Variants in CSMD3 observed in about 807,000 individuals in gnomAD.
CSMD3 encodes CUB and Sushi multiple domains 3.
Under a neutral mutation model 435.2 loss-of-function variants are expected in CSMD3, and 177 were observed. The ratio of observed to expected loss-of-function variants is 0.41; its 90% CI spans 0.36 to 0.46. The LOEUF is 0.46. Ranked by LOEUF, CSMD3 falls within the 20% of genes least tolerant of loss-of-function variation. CSMD3 has a pLI of 0.34. For synonymous variants in CSMD3, 1,656 were observed against 1,520.5 expected (o/e 1.09, Z -2.07); for missense variants, 4,265 against 4,504.6 (o/e 0.95, Z 1.52).
chr8:112,690,592 C>G (rs574779505), intron 13 of CSMD3, among the ~76,000 whole-genome samples: 3 of 150,086 alleles, frequency 2.0e-5, no homozygotes, highest in South Asian at 2.1e-4. Context: ...ACTAGACCCC[C>G]CCCCCCAACA....
At chr8:113,134,504 C>T (rs1408731227) in intron 4 of CSMD3, among the ~76,000 whole-genome samples, 1 of 151,958 alleles carries the variant, frequency 6.6e-6, no homozygotes, top group Non-Finnish European at 1.5e-5. Flanking sequence ...TTAGAAAAGC[C>T]TGTAAGAACA....
At chr8:112,903,804 A>C (rs2082175760) in intron 10 of CSMD3, among the ~76,000 whole-genome samples, 1 of 151,332 alleles carries the variant, frequency 6.6e-6, no homozygotes, top group African/African-American at 2.4e-5. Flanking sequence ...ACACTTGTTC[A>C]CACCTCTAGA....
In CSMD3 at chr8:112,637,297, T is replaced by G. The variant is rs951835333; in HGVS notation, c.3527-292A>C. Among the ~76,000 whole-genome samples the G allele has an allele frequency of 2.0e-5, 3 of 152,316 alleles. No homozygotes were observed. In the East Asian group the frequency reaches 5.8e-4, roughly 29 times the overall value. On this transcript the variant is annotated intron_variant, in intron 21 of 70. Coordinates refer to ENST00000297405, the MANE Select transcript of CSMD3 (RefSeq NM_198123.2). ...TATTTATCTTATTGTTTTTTCTGCA[T>G]TAGAAACATTTTTATTTCATATATT...
intron 53 of CSMD3, among the ~76,000 whole-genome samples, chr8:112,300,667 A>G (rs1482875200): frequency 2.0e-5 from 3 of 152,126 alleles, no homozygotes; most frequent in Non-Finnish European, 4.4e-5. Flanking sequence ...TAATGACCCC[A>G]GAGACTCAGG....
At chr8:112,271,094 T>G (rs1817490997) in intron 59 of CSMD3, among the ~76,000 whole-genome samples, 2 of 152,182 alleles carry the variant, frequency 1.3e-5, no homozygotes, top group Non-Finnish European at 2.9e-5. Flanking sequence ...TCAATGATTA[T>G]GTACAAGATT....
At chr8:112,875,620 T>C (rs1378656893) in intron 10 of CSMD3, among the ~76,000 whole-genome samples, 1 of 152,180 alleles carries the variant, frequency 6.6e-6, no homozygotes, top group Non-Finnish European at 1.5e-5. Flanking sequence ...TTCATTCCTT[T>C]TCATTCTTTT....
At chr8:113,185,105 A>T (rs957606368) in intron 3 of CSMD3, among the ~76,000 whole-genome samples, 1 of 151,984 alleles carries the variant, frequency 6.6e-6, no homozygotes, top group Non-Finnish European at 1.5e-5. Flanking sequence ...GCCATTTTTA[A>T]CACCAGGCAA....
rs376090109 is a variant in CSMD3, at chr8:112,492,650, T to A, written c.5117A>T (p.Asn1706Ile). The change falls in exon 31 of 71, where the codon AAT becomes ATT. Residue 1706 changes from asparagine (N) to isoleucine (I), a missense_variant. By Grantham distance (149) the Asn-to-Ile change is moderately radical. Coordinates refer to ENST00000297405, the MANE Select transcript of CSMD3 (RefSeq NM_198123.2). Reference protein sequence around the residue: ...KLRESCFDPGNIMNGTRLGMD... With the variant: ...KLRESCFDPGIIMNGTRLGMD... ...TCCAAGTCTGGTGCCATTCATTATA[T>A]TGCCTGGATCAAAGCAGGACTCTCG... The A allele has an allele frequency of 6.2e-5, 100 of 1,613,844 alleles. No homozygotes were observed. Among genetic ancestry groups the A allele is most frequent in the Non-Finnish European group, 8.1e-5 (95 of 1,179,874 alleles).
Position 112,975,841 on chromosome 8 carries a change from AT to A in CSMD3, c.1337del (p.His446LeufsTer3). The A allele has an allele frequency of 6.2e-7, 1 of 1,613,064 alleles. No homozygotes were observed. Among genetic ancestry groups the A allele is most frequent in the Non-Finnish European group, 8.5e-7 (1 of 1,179,798 alleles). On this transcript the variant is annotated frameshift_variant, in exon 7 of 71. Transcript: ENST00000297405. LOFTEE classifies it high-confidence loss of function. ...AAGTAAAATAACATCCAATACCTCTATGAGTAACAACTGCAAGCTCTTTAGT... is the reference window on the plus strand; with the variant it reads ...AAGTAAAATAACATCCAATACCTCTAGAGTAACAACTGCAAGCTCTTTAGT... Reference protein sequence around the residue: ...ERTKELAVVTHRVKKAIDFKS... With the variant: ...ERTKELAVVTXRVKKAIDFKS...
intron 10 of CSMD3, among the ~76,000 whole-genome samples, chr8:112,906,892 G>A (rs1459290305): frequency 6.6e-6 from 1 of 151,504 alleles, no homozygotes; most frequent in Admixed American, 6.6e-5. Flanking sequence ...TAGTTAATGT[G>A]TGAATGAATT....
intron 47 of CSMD3, among the ~76,000 whole-genome samples, chr8:112,314,903 C>G (rs1329095425): frequency 6.6e-6 from 1 of 151,824 alleles, no homozygotes; most frequent in African/African-American, 2.4e-5. Context: ...CCTCCTCTTT[C>G]TTCACATTTT....
At chr8:112,608,597 T>C (rs923342293) in intron 22 of CSMD3, among the ~76,000 whole-genome samples, 5 of 151,936 alleles carry the variant, frequency 3.3e-5, no homozygotes, top group East Asian at 1.9e-4. Flanking sequence ...TATATATATA[T>C]ATACATACAC....
chr8:112,951,121 T>A (rs531577722), intron 8 of CSMD3, among the ~76,000 whole-genome samples: 1 of 151,996 alleles, frequency 6.6e-6, no homozygotes, highest in Admixed American at 6.6e-5. Flanking sequence ...AAAAGTGCAA[T>A]CTATCTTTCA....
At position 113,030,423 on chromosome 8, in the gene CSMD3, A is replaced by AC. The variant is rs2087049707; in HGVS notation, c.918-11245_918-11244insG. On this transcript the variant is annotated intron_variant, in intron 5 of 70. Coordinates refer to ENST00000297405, the MANE Select transcript of CSMD3 (RefSeq NM_198123.2). ...CAAAACACTTTGGTACTGGTAAAAA[A>AC]AAAAAAAAAAAAAAAAAAAAAAGAT... Among the ~76,000 whole-genome samples the AC allele has an allele frequency of 5.8e-5, 7 of 120,896 alleles. No individual in the cohort carries two copies. In the South Asian group the frequency reaches 2.1e-3, roughly 36 times the overall value. The allele number at this position is 120,896 out of a possible 152,430, so 79.3% of individuals were successfully genotyped here. A position where few individuals can be genotyped will look rare whatever the true frequency, so the allele number is the denominator to read the frequency against.
intron 1 of CSMD3, among the ~76,000 whole-genome samples, chr8:113,328,249 T>TA (rs1179986803): frequency 6.6e-6 from 1 of 151,356 alleles, no homozygotes; most frequent in African/African-American, 2.4e-5. Flanking sequence ...CCATCCCGGC[T>TA]AAAACGGTGA....
intron 6 of CSMD3, 172 bp downstream of exon 6, chr8:113,018,895 A>G (rs2086575798): frequency 4.8e-6 from 3 of 625,068 alleles, no homozygotes; most frequent in African/African-American, 1.8e-5. Flanking sequence ...ACTAACTTTA[A>G]TACTGTAATT....
At chr8:113,435,604 T>G (rs1450790235) in intron 1 of CSMD3, among the ~76,000 whole-genome samples, 1 of 151,380 alleles carries the variant, frequency 6.6e-6, no homozygotes, top group Non-Finnish European at 1.5e-5. Context: ...GCACCCCCTT[T>G]CCCGCGATCC....
At chr8:113,254,833 T>C (rs1318286373) in intron 3 of CSMD3, among the ~76,000 whole-genome samples, 1 of 152,196 alleles carries the variant, frequency 6.6e-6, no homozygotes, top group African/African-American at 2.4e-5. Context: ...ATTTAGATTA[T>C]ATTTATTTTC....
chr8:112,649,739 T>C (rs2075076332), intron 19 of CSMD3, among the ~76,000 whole-genome samples: 1 of 152,198 alleles, frequency 6.6e-6, no homozygotes. Context: ...GCTGTGTAGC[T>C]GGTTAGAATT....
Sources: gnomAD v4.1 joint callset for allele counts (sites outside exome capture counted in the v4.1 genomes callset) on GRCh38, gnomAD v4.1.1 for gene constraint, MANE v1.5 for transcripts, NCBI Gene and HGNC (gene_info 2026-07-23, HGNC 2026-07-21) for gene names.